ITPKB: variants seen among roughly 807,000 people sequenced by gnomAD.
ITPKB encodes IP3 3-kinase B.
ITPKB carries 13 observed loss-of-function variants against 69.4 expected under a neutral mutation model. That is an observed-to-expected ratio of 0.19 (90% CI 0.12 to 0.30). ITPKB has a LOEUF of 0.30. Ranked by LOEUF, ITPKB falls within the 10% of genes least tolerant of loss-of-function variation. ITPKB has a pLI of 1.00. For synonymous variants in ITPKB, 584 were observed against 513.7 expected (o/e 1.14, Z -1.85); for missense variants, 1,240 against 1,250.5 (o/e 0.99, Z 0.13).
chr1:226,705,460 C>CA (rs1305341106), intron 2 of ITPKB, among the ~76,000 whole-genome samples: 1 of 149,016 alleles, frequency 6.7e-6, no homozygotes, highest in African/African-American at 2.5e-5. Context: ...ACCTGGGAGG[C>CA]AGAGGTTGCG....
chr1:226,658,657 C>T (rs1055838252), intron 2 of ITPKB, among the ~76,000 whole-genome samples: 13 of 152,326 alleles, frequency 8.5e-5, no homozygotes, highest in African/African-American at 2.9e-4. Flanking sequence ...CGTCTCCACC[C>T]GCCGTGTGAT....
intron 2 of ITPKB, among the ~76,000 whole-genome samples, chr1:226,702,496 C>T (rs150836192): frequency 3.4e-4 from 52 of 152,206 alleles, no homozygotes; most frequent in African/African-American, 1.1e-3. Flanking sequence ...CGCTGCCTAT[C>T]CTCTTCTGAT....
intron 2 of ITPKB, among the ~76,000 whole-genome samples, chr1:226,696,788 C>T (rs545136495): frequency 6.6e-6 from 1 of 152,320 alleles, no homozygotes; most frequent in East Asian, 1.9e-4. Context: ...CTGAGAATCT[C>T]AGAGCTGAGA....
At chr1:226,640,700 G>C (rs950692590) in intron 5 of ITPKB, among the ~76,000 whole-genome samples, 2 of 152,162 alleles carry the variant, frequency 1.3e-5, no homozygotes, top group East Asian at 1.9e-4. Context: ...GCGTTAAGGA[G>C]AAGGCGGATG....
intron 4 of ITPKB, among the ~76,000 whole-genome samples, chr1:226,646,800 T>A (rs1300583152): frequency 6.6e-6 from 1 of 152,172 alleles, no homozygotes; most frequent in African/African-American, 2.4e-5. Flanking sequence ...GAAGTCACCA[T>A]CCTGCGACCT....
chr1:226,675,267 G>C (rs910616676), intron 2 of ITPKB, among the ~76,000 whole-genome samples: 1 of 152,102 alleles, frequency 6.6e-6, no homozygotes, highest in Admixed American at 6.6e-5. Flanking sequence ...ACGCTCGCTT[G>C]AAACAGGAAA....
chr1:226,671,592 A>G (rs1412373967), intron 2 of ITPKB, among the ~76,000 whole-genome samples: 1 of 152,230 alleles, frequency 6.6e-6, no homozygotes, highest in Non-Finnish European at 1.5e-5. Context: ...AAATAAAGAC[A>G]TATTGCATCA....
intron 4 of ITPKB, among the ~76,000 whole-genome samples, chr1:226,643,238 C>T (rs1331400492): frequency 6.6e-6 from 1 of 152,122 alleles, no homozygotes; most frequent in Non-Finnish European, 1.5e-5. Context: ...CCCTGAGCTG[C>T]CGGGACACGC....
chr1:226,694,051 T>C (rs975329808), intron 2 of ITPKB, among the ~76,000 whole-genome samples: 2 of 152,222 alleles, frequency 1.3e-5, no homozygotes, highest in Non-Finnish European at 2.9e-5. Context: ...AGCTTCAGAC[T>C]GGCAAACATA....
chr1:226,657,183 A>G (rs1230209653), intron 2 of ITPKB: 2 of 152,246 alleles, frequency 1.3e-5, no homozygotes, highest in African/African-American at 2.4e-5. Flanking sequence ...AAGTGAGTCA[A>G]TATCAGTTTC....
In ITPKB at chr1:226,736,965, C is replaced by T; in HGVS notation, c.494G>A (p.Arg165His). 2.5e-6 allele frequency: 4 copies of T among 1,612,182 alleles called. No individual in the cohort carries two copies. Among genetic ancestry groups the T allele is most frequent in the Non-Finnish European group, 3.4e-6 (4 of 1,179,932 alleles). The change falls in exon 2 of 8, where the codon CGC (arginine) becomes CAC (histidine). Residue 165 changes from arginine (R) to histidine (H), a missense_variant. Transcript: ENST00000429204. ...QAQSSAIQAP[R>H]SPRLGRARSP... ...GCGAGCCCTGCCCAAACGCGGGCTG[C>T]GGGGCGCTTGAATGGCGGAGCTCTG...
chr1:226,680,641 G>T (rs1025902404), intron 2 of ITPKB, among the ~76,000 whole-genome samples: 2 of 152,224 alleles, frequency 1.3e-5, no homozygotes, highest in Non-Finnish European at 2.9e-5. Context: ...CGTTTGGAAA[G>T]AGATGGATAT....
chr1:226,647,481 CCTGGGG>C, intron 3 of ITPKB, 101 bp from the exon 4 acceptor site: 3 of 825,828 alleles, frequency 3.6e-6, no homozygotes, highest in Non-Finnish European at 5.9e-6. Flanking sequence ...GATGGCTAAG[CCTGGGG>C]CTGAAGGTGT....
At chr1:226,707,102 A>T in intron 2 of ITPKB, 1 of 833,486 alleles carries the variant, frequency 1.2e-6, no homozygotes, top group Non-Finnish European at 1.4e-6. Flanking sequence ...CAGCGCAATT[A>T]AGAACAATTT....
intron 2 of ITPKB, among the ~76,000 whole-genome samples, chr1:226,702,254 G>C (rs1251438442): frequency 6.6e-6 from 1 of 152,040 alleles, no homozygotes; most frequent in Non-Finnish European, 1.5e-5. Flanking sequence ...AAAATTAGCC[G>C]GGTGTGGTGG....
rs1209892431 is a variant in ITPKB at position 226,641,789 on chromosome 1, T to C, written c.2451+132A>G. 4 of 822,250 alleles carry C rather than the reference T, an allele frequency of 4.9e-6. No individual in the cohort carries two copies. Among genetic ancestry groups the C allele is most frequent in the Non-Finnish European group, 7.7e-6 (4 of 519,468 alleles). The allele number at this position is 822,250 out of a possible 1,614,324, so 50.9% of individuals were successfully genotyped here. On this transcript the variant is annotated intron_variant, in intron 5 of 7. Coordinates refer to ENST00000429204, the MANE Select transcript of ITPKB (RefSeq NM_002221.4). The surrounding 1 kb of genome is among the most constrained non-coding windows in gnomAD (Gnocchi z 4.6). ...GGCTGATGTCTCCAAATGTCTGGCC[T>C]TGGGGCGGGCCACCCACATTCTGAG...
At position 226,637,161 on chromosome 1, in the gene ITPKB, G is replaced by A. The variant is rs1027955995; in HGVS notation, c.2625+518C>T. ...CTCACACCCCTCCAGGGAACCTGCC[G>A]ACACCTCCCAGAGCCTCTCTCAGGT... On this transcript the variant is annotated intron_variant, in intron 7 of 7. Transcript: ENST00000429204. The surrounding 1 kb of genome is among the most constrained non-coding windows in gnomAD (Gnocchi z 4.3). 2.0e-5 allele frequency among the ~76,000 whole-genome samples: 3 copies of A among 152,230 alleles called. No individual in the cohort carries two copies. Among genetic ancestry groups the A allele is most frequent in the Admixed American group, 6.5e-5 (1 of 15,278 alleles).
intron 2 of ITPKB, among the ~76,000 whole-genome samples, chr1:226,652,097 C>T (rs1669206128): frequency 2.6e-5 from 4 of 152,194 alleles, no homozygotes; most frequent in Admixed American, 2.6e-4. Context: ...AATAGCAGCA[C>T]CCAGGCAGTG....
chr1:226,680,562 A>T (rs1464683533), intron 2 of ITPKB, among the ~76,000 whole-genome samples: 1 of 152,164 alleles, frequency 6.6e-6, no homozygotes, highest in Non-Finnish European at 1.5e-5. Flanking sequence ...GATTCTTATG[A>T]AAAAGGAAAG....
Sources: gnomAD v4.1 joint callset for allele counts (sites outside exome capture counted in the v4.1 genomes callset) on GRCh38, gnomAD v4.1.1 for gene constraint, Gnocchi (gnomAD v3.1) non-coding constraint, MANE v1.5 for transcripts, NCBI Gene and HGNC (gene_info 2026-07-23, HGNC 2026-07-21) for gene names.